Variants in JAM3 observed in about 807,000 individuals in gnomAD.
JAM3 encodes the protein junctional adhesion molecule C.
A neutral mutation model predicts 39.4 loss-of-function variants in JAM3; 31 were observed. The observed-to-expected ratio is 0.79, with a 90% confidence interval of 0.59 to 1.06. The LOEUF (loss-of-function observed/expected upper bound fraction) is 1.06. JAM3 is among the 50% of genes least tolerant of loss of function. JAM3 has a pLI of 0.00. For synonymous variants in JAM3, 182 were observed against 148.7 expected, an observed-to-expected ratio of 1.22 and a Z score of -1.63; for missense variants, 455 against 391.4, an observed-to-expected ratio of 1.16 and a Z score of -1.37.
chr11:134,090,974 C>T (rs1024437278), intron 1 of JAM3, among the ~76,000 whole-genome samples: 11 of 152,264 alleles, frequency 7.2e-5, no homozygotes, highest in African/African-American at 2.4e-4. Context: ...TTTTTCTATT[C>T]CTCCTGTTAA....
intron 3 of JAM3, among the ~76,000 whole-genome samples, 165 bp from the exon 4 acceptor site, chr11:134,144,076 G>C (rs1225179876): frequency 6.6e-6 from 1 of 151,148 alleles, no homozygotes; most frequent in Admixed American, 6.6e-5. Flanking sequence ...ATAGGTCATG[G>C]TTCCTGTCCT....
intron 1 of JAM3, among the ~76,000 whole-genome samples, chr11:134,110,616 G>T (rs1408078896): frequency 3.9e-5 from 6 of 152,144 alleles, no homozygotes; most frequent in African/African-American, 1.4e-4. Context: ...ATCGCTAAGT[G>T]GTTGCCTGGG....
chr11:134,086,825 T>G (rs1272634623), intron 1 of JAM3, among the ~76,000 whole-genome samples: 1 of 152,114 alleles, frequency 6.6e-6, no homozygotes, highest in East Asian at 1.9e-4. Flanking sequence ...TGTTGTTGTT[T>G]TGTTTTTTGA....
At chr11:134,105,765 A>G (rs1338409237) in intron 1 of JAM3, among the ~76,000 whole-genome samples, 1 of 152,218 alleles carries the variant, frequency 6.6e-6, no homozygotes, top group Non-Finnish European at 1.5e-5. Context: ...CAAAGAGAAT[A>G]AAATACCTAG....
chr11:134,100,329 C>A (rs1942051814), intron 1 of JAM3, among the ~76,000 whole-genome samples: 1 of 152,148 alleles, frequency 6.6e-6, no homozygotes. Flanking sequence ...TTGCTGCTTT[C>A]CACCCACAGA....
At chr11:134,127,510 C>T (rs1314501886) in intron 1 of JAM3, among the ~76,000 whole-genome samples, 1 of 152,140 alleles carries the variant, frequency 6.6e-6, no homozygotes, top group African/African-American at 2.4e-5. Flanking sequence ...ACCAGCCTGG[C>T]CAACATGGTG....
intron 1 of JAM3, among the ~76,000 whole-genome samples, chr11:134,086,783 T>A (rs1362126073): frequency 1.3e-5 from 2 of 152,190 alleles, no homozygotes; most frequent in Admixed American, 1.3e-4. Flanking sequence ...ATTTCAAGTT[T>A]TAAAAAGTGT....
chr11:134,100,545 C>A (rs867857846), intron 1 of JAM3, among the ~76,000 whole-genome samples: 1 of 152,148 alleles, frequency 6.6e-6, no homozygotes, highest in Non-Finnish European at 1.5e-5. Flanking sequence ...TATCTGAGTC[C>A]TGTTTCCCAA....
chr11:134,136,531 A>G (rs1351401833), intron 1 of JAM3, among the ~76,000 whole-genome samples: 1 of 152,194 alleles, frequency 6.6e-6, no homozygotes, highest in African/African-American at 2.4e-5. Flanking sequence ...TAGTAAATTT[A>G]AGGATTATTT....
chr11:134,124,165 C>A, intron 1 of JAM3: 3 of 1,460,046 alleles, frequency 2.1e-6, no homozygotes, highest in Non-Finnish European at 2.9e-6. Context: ...TCTTTTTCAA[C>A]TGGAGCTTTA....
At chr11:134,079,430 T>TGGTTTACTGAAAGGTGCC (rs1293909223) in intron 1 of JAM3, among the ~76,000 whole-genome samples, 3 of 152,208 alleles carry the variant, frequency 2.0e-5, no homozygotes, top group African/African-American at 7.2e-5. Context: ...GATGAAGTGC[T>TGGTTTACTGAAAGGTGCC]GGTTTACTGA....
chr11:134,118,280 T>C (rs973222994), intron 1 of JAM3, among the ~76,000 whole-genome samples: 1 of 152,142 alleles, frequency 6.6e-6, no homozygotes, highest in Non-Finnish European at 1.5e-5. Flanking sequence ...CCAAGAATAT[T>C]TTATAATTGG....
In JAM3 at chr11:134,144,407, C is replaced by T. The variant is rs1427620372; in HGVS notation, c.409+14C>T. ...TAACTGTGCAAGGTAGGAGCTCATGCGAAGGTGAGACATTGCCACCATAGG... is the reference window on the plus strand; with the variant it reads ...TAACTGTGCAAGGTAGGAGCTCATGTGAAGGTGAGACATTGCCACCATAGG... On this transcript the variant is annotated intron_variant, in intron 4 of 8. Coordinates refer to ENST00000299106, the MANE Select transcript of JAM3 (RefSeq NM_032801.5). The T allele has an allele frequency of 8.7e-6, 14 of 1,613,858 alleles. No homozygotes were observed. The highest frequency in any genetic ancestry group is 1.1e-5 in the South Asian group (1 of 91,064).
chr11:134,119,305 T>G (rs470829), intron 1 of JAM3, among the ~76,000 whole-genome samples: 4,552 of 152,304 alleles, frequency 0.03, 254 homozygotes, highest in East Asian at 0.25. Flanking sequence ...AAATAGCACC[T>G]GCTTTGAGGT....
chr11:134,130,460 A>G (rs1232000020), intron 1 of JAM3, among the ~76,000 whole-genome samples: 2 of 152,220 alleles, frequency 1.3e-5, no homozygotes, highest in African/African-American at 4.8e-5. Flanking sequence ...AAAAATAGTG[A>G]CAAGGCTAAC....
chr11:134,116,713 T>G (rs1196678813), intron 1 of JAM3, among the ~76,000 whole-genome samples: 1 of 152,040 alleles, frequency 6.6e-6, no homozygotes, highest in Non-Finnish European at 1.5e-5. Flanking sequence ...AGAAATGCTT[T>G]TGGTTATCAG....
chr11:134,090,281 T>G (rs954971462), intron 1 of JAM3, among the ~76,000 whole-genome samples: 15 of 152,380 alleles, frequency 9.8e-5, no homozygotes, highest in Admixed American at 1.3e-4. Flanking sequence ...TGGTAGTTTC[T>G]TTTGCTGTGC....
At chr11:134,122,759 C>G (rs1324196818) in intron 1 of JAM3, among the ~76,000 whole-genome samples, 1 of 152,234 alleles carries the variant, frequency 6.6e-6, no homozygotes, top group Non-Finnish European at 1.5e-5. Flanking sequence ...GAATTCGCTG[C>G]TATTTCTTTG....
chr11:134,119,126 A>G (rs1942489886), intron 1 of JAM3, among the ~76,000 whole-genome samples: 1 of 151,944 alleles, frequency 6.6e-6, no homozygotes, highest in Non-Finnish European at 1.5e-5. Flanking sequence ...GAGTTCCGCC[A>G]TGTTGGCCAG....
Sources: gnomAD v4.1 joint callset for allele counts (sites outside exome capture counted in the v4.1 genomes callset) on GRCh38, gnomAD v4.1.1 for gene constraint, MANE v1.5 for transcripts, NCBI Gene and HGNC (gene_info 2026-07-23, HGNC 2026-07-21) for gene names.